The following ARHGEF12 variants were observed in gnomAD, a reference collection of about 807,000 sequenced individuals.
The protein encoded by ARHGEF12 is KMT2A/ARHGEF12 fusion protein.
Under a neutral mutation model 211.2 loss-of-function variants are expected in ARHGEF12, and 66 were observed. That is an observed-to-expected ratio of 0.31 (90% CI 0.26 to 0.38). The LOEUF (loss-of-function observed/expected upper bound fraction) is 0.38. ARHGEF12 is among the 10% of genes least tolerant of loss of function. The probability of loss-of-function intolerance (pLI) is 1.00; values close to 1 mark genes in which losing one functional copy is unlikely to be tolerated. For missense variants in ARHGEF12, 1,429 were observed against 1,869.5 expected, an observed-to-expected ratio of 0.76 and a Z score of 4.34; for synonymous variants, 592 against 638.4, an observed-to-expected ratio of 0.93 and a Z score of 1.09.
In ARHGEF12 at chr11:120,487,063, G is replaced by C. The variant is rs537698578; in HGVS notation, c.*1986G>C. 6 of 216,746 alleles carry C rather than the reference G, an allele frequency of 2.8e-5. No individual in the cohort carries two copies. The highest frequency in any genetic ancestry group is 5.8e-5 in the Admixed American group (1 of 17,204). 13.4% of individuals were successfully genotyped at this position (216,746 alleles called of 1,614,324 possible). On this transcript the variant is annotated 3_prime_UTR_variant, in exon 41 of 41. Coordinates refer to ENST00000397843, the MANE Select transcript of ARHGEF12 (RefSeq NM_015313.3). Reference sequence around the variant, plus strand: ...AATAATGTCATTCTCAATTAAAAGGGTTACACCTGTAGCCACTTGACACTA... The same window carrying C: ...AATAATGTCATTCTCAATTAAAAGGCTTACACCTGTAGCCACTTGACACTA...
rs779003559 is a variant in ARHGEF12, at chr11:120,431,796, G to A, written c.809G>A (p.Arg270Lys). 1 of 1,612,444 alleles carries A rather than the reference G, an allele frequency of 6.2e-7. No homozygotes were observed. Among genetic ancestry groups the A allele is most frequent in the Non-Finnish European group, 8.5e-7 (1 of 1,179,304 alleles). Residue 270 changes from arginine to lysine, a missense_variant, in exon 11 of 41, where the codon AGA becomes AAA. Physicochemically the swap from Arg to Lys is conservative, Grantham distance 26 (BLOSUM62 2). This residue lies in a region of ARHGEF12 where 254 missense variants were observed against 286.4 expected (regional missense o/e 0.89). Transcript: ENST00000397843. The stretch of plus-strand genomic sequence containing the variant: ...GATGGAGCTGTAGTTACACCCTCCA[G>A]ACCTTTAGGGGACACCCTAACAGTC... The part of the protein sequence containing the change: ...AQDGAVVTPS[R>K]PLGDTLTVSE...
intron 31 of ARHGEF12, 109 bp downstream of exon 31, chr11:120,473,236 A>G (rs901935334): frequency 9.9e-6 from 9 of 906,272 alleles, no homozygotes; most frequent in Non-Finnish European, 1.5e-5. Flanking sequence ...GAGTTCTTGT[A>G]TCGTAGATTA....
At chr11:120,425,287 T>C (rs1212414214) in intron 7 of ARHGEF12, among the ~76,000 whole-genome samples, 1 of 152,144 alleles carries the variant, frequency 6.6e-6, no homozygotes, top group African/African-American at 2.4e-5. Flanking sequence ...TTTCATTTTG[T>C]TGTTATCCTT....
chr11:120,468,436 CTTGTTTTGTT>C (rs561592284), intron 29 of ARHGEF12, among the ~76,000 whole-genome samples: 12 of 151,780 alleles, frequency 7.9e-5, no homozygotes, highest in African/African-American at 2.4e-4. Context: ...TACGTTTTGT[CTTGTTTTGTT>C]TTGTTTTGTT....
chr11:120,368,951 A>G (rs1943510477), intron 1 of ARHGEF12, among the ~76,000 whole-genome samples: 1 of 151,980 alleles, frequency 6.6e-6, no homozygotes, highest in African/African-American at 2.4e-5. Context: ...AGTAAATGTC[A>G]TCTAGCCTGT....
chr11:120,412,844 C>T (rs1944926859), intron 4 of ARHGEF12, among the ~76,000 whole-genome samples: 1 of 152,170 alleles, frequency 6.6e-6, no homozygotes. Context: ...TTTGACTTCT[C>T]CATTTTCCGT....
At chr11:120,440,067 ATTC>A in intron 12 of ARHGEF12, 59 bp from the exon 13 acceptor site, 1 of 1,205,684 alleles carries the variant, frequency 8.3e-7, no homozygotes. Flanking sequence ...GGTTGGCTTT[ATTC>A]TTTTTCTAAA....
rs150482459 is a variant in ARHGEF12, at chr11:120,361,287, T to C, written c.32+24012T>C. Reference sequence around the variant, plus strand: ...TTGCTGGGGACGCATTAGATTCTCATAGGAGTGCGAACCCTGTTGTGAACT... The same window carrying C: ...TTGCTGGGGACGCATTAGATTCTCACAGGAGTGCGAACCCTGTTGTGAACT... On this transcript the variant is annotated intron_variant, in intron 1 of 40. Transcript: ENST00000397843. Among the ~76,000 whole-genome samples, 33 of 152,294 alleles carry C rather than the reference T, an allele frequency of 2.2e-4. 1 individual carries two copies. The highest frequency in any genetic ancestry group is 3.4e-3 in the Middle Eastern group (1 of 294).
intron 1 of ARHGEF12, among the ~76,000 whole-genome samples, chr11:120,374,918 TTTTGGATA>T (rs1223117424): frequency 2.6e-5 from 4 of 152,122 alleles, no homozygotes; most frequent in African/African-American, 9.7e-5. Flanking sequence ...TTTCATAAAT[TTTTGGATA>T]TCAACTCTCA....
chr11:120,388,560 G>T (rs1437816926), intron 1 of ARHGEF12, among the ~76,000 whole-genome samples: 1 of 152,162 alleles, frequency 6.6e-6, no homozygotes, highest in Non-Finnish European at 1.5e-5. Context: ...TTTTCCAGGT[G>T]ACTGTATTGT....
chr11:120,352,910 C>T (rs1565422164), intron 1 of ARHGEF12, among the ~76,000 whole-genome samples: 1 of 152,182 alleles, frequency 6.6e-6, no homozygotes, highest in Non-Finnish European at 1.5e-5. Flanking sequence ...AGGGTCAGCA[C>T]CCCAGGCGCC....
intron 38 of ARHGEF12, among the ~76,000 whole-genome samples, chr11:120,480,973 G>C (rs892716571): frequency 2.0e-5 from 3 of 152,170 alleles, no homozygotes; most frequent in African/African-American, 7.2e-5. Flanking sequence ...AGGAGATGGG[G>C]CAAGAGAGGC....
Position 120,442,135 on chromosome 11 carries a change from A to C in ARHGEF12, c.1235A>C (p.His412Pro). The part of the protein sequence containing the change: ...LCYLYSDLYK[H>P]TNSKETRRIF... ...TATCTCTATTCAGACCTGTATAAACATACCAATTCCAAAGAAACTCGTCGC... is the reference window on the plus strand; with the variant it reads ...TATCTCTATTCAGACCTGTATAAACCTACCAATTCCAAAGAAACTCGTCGC... The change falls in exon 15 of 41, where the codon CAT becomes CCT. Residue 412 changes from histidine (H) to proline (P), a missense_variant. Around this residue, in one of 7 missense-constraint regions of ARHGEF12, gnomAD observed 373 missense variants for 467.5 expected, o/e 0.80. Transcript: ENST00000397843. 1 of 1,610,456 alleles carries C rather than the reference A, an allele frequency of 6.2e-7. No homozygotes were observed. Among genetic ancestry groups the C allele is most frequent in the Non-Finnish European group, 8.5e-7 (1 of 1,179,102 alleles).
At chr11:120,473,218 A>G (rs559755294) in intron 31 of ARHGEF12, 91 bp downstream of exon 31, 30 of 1,118,812 alleles carry the variant, frequency 2.7e-5, no homozygotes, top group Middle Eastern at 2.7e-4. Flanking sequence ...AATATACGTC[A>G]CCTGAAGGAG....
At chr11:120,477,907 T>C (rs893395070) in intron 36 of ARHGEF12, among the ~76,000 whole-genome samples, 5 of 144,310 alleles carry the variant, frequency 3.5e-5, no homozygotes, top group Non-Finnish European at 6.1e-5. Context: ...TAAAATAAAA[T>C]GCAAAGAAAC....
intron 1 of ARHGEF12, among the ~76,000 whole-genome samples, chr11:120,372,465 C>T (rs193215118): frequency 3.2e-4 from 48 of 152,228 alleles, no homozygotes; most frequent in African/African-American, 1.0e-3. Context: ...GTACAAAGTT[C>T]TTTCTGACAA....
chr11:120,476,691 C>T lies in ARHGEF12; in HGVS notation c.3308C>T (p.Ser1103Leu). ...AAAGCTTTATTCGTCATTTCCATGTCAGACAATGGCGCTCAGATTTATGAA... is the reference window on the plus strand; with the variant it reads ...AAAGCTTTATTCGTCATTTCCATGTTAGACAATGGCGCTCAGATTTATGAA... ...DNKALFVISM[S>L]DNGAQIYELV... Residue 1103 changes from serine (S) to leucine (L), a missense_variant, in exon 34 of 41, where the codon TCA (serine) becomes TTA (leucine). By Grantham distance (145) the Ser-to-Leu change is moderately radical. Coordinates refer to ENST00000397843, the MANE Select transcript of ARHGEF12 (RefSeq NM_015313.3). 6.2e-7 allele frequency: 1 copy of T among 1,613,012 alleles called. No individual in the cohort carries two copies. The highest frequency in any genetic ancestry group is 8.5e-7 in the Non-Finnish European group (1 of 1,179,538).
intron 5 of ARHGEF12, among the ~76,000 whole-genome samples, 173 bp downstream of exon 5, chr11:120,421,024 A>G (rs1945169387): frequency 6.6e-6 from 1 of 151,710 alleles, no homozygotes; most frequent in South Asian, 2.1e-4. Context: ...ACTCCAGTTG[A>G]TTTTTTTTTG....
Position 120,486,119 on chromosome 11 carries a change from G to C in ARHGEF12, c.*1042G>C, listed in dbSNP as rs1947391035. On this transcript the variant is annotated 3_prime_UTR_variant, in exon 41 of 41. Coordinates refer to ENST00000397843, the MANE Select transcript of ARHGEF12 (RefSeq NM_015313.3). ...TGGGAGTGGGTAAAGAGTTTGGGAA[G>C]GTTATCTAACTGAATCACTACTGAG... is the stretch of plus-strand genomic sequence containing the variant. 4 of 233,394 alleles carry C rather than the reference G, an allele frequency of 1.7e-5. No individual in the cohort carries two copies. In the South Asian group the frequency reaches 7.2e-4, roughly 42 times the overall value. The allele number at this position is 233,394 out of a possible 1,614,324, so 14.5% of individuals were successfully genotyped here.
Sources: gnomAD v4.1 joint callset for allele counts (sites outside exome capture counted in the v4.1 genomes callset) on GRCh38, gnomAD v4.1.1 for gene constraint, gnomAD v4.1.1 regional missense constraint, MANE v1.5 for transcripts, NCBI Gene and HGNC (gene_info 2026-07-23, HGNC 2026-07-21) for gene names.